Variants in SDK1 observed in about 807,000 individuals in gnomAD.
SDK1 encodes protein sidekick-1.
A neutral mutation model predicts 245.5 loss-of-function variants in SDK1; 157 were observed. The ratio of observed to expected loss-of-function variants is 0.64; its 90% CI spans 0.56 to 0.73. The LOEUF is 0.73. Ranked by LOEUF, SDK1 falls within the 30% of genes least tolerant of loss-of-function variation. The probability of loss-of-function intolerance (pLI) is 0.00; values close to 1 mark genes in which losing one functional copy is unlikely to be tolerated. For synonymous variants in SDK1, 1,647 were observed against 1,278.5 expected (o/e 1.29, Z -6.15); for missense variants, 3,583 against 3,002.3 (o/e 1.19, Z -4.52).
intron 1 of SDK1, among the ~76,000 whole-genome samples, chr7:3,365,097 T>C (rs930571498): frequency 2.0e-5 from 3 of 152,222 alleles, no homozygotes; most frequent in Admixed American, 2.0e-4. Flanking sequence ...TTTTATCTTA[T>C]ATCCTGTGAC....
chr7:4,065,556 A>G (rs897613178), intron 19 of SDK1, among the ~76,000 whole-genome samples: 2 of 152,198 alleles, frequency 1.3e-5, no homozygotes, highest in African/African-American at 4.8e-5. Flanking sequence ...CTGGAGGCTC[A>G]CAATTGTGGG....
In SDK1 at chr7:3,789,007, C is replaced by T. The variant is rs1466764039; in HGVS notation, c.714-32443C>T. Among the ~76,000 whole-genome samples, 19 of 152,204 alleles carry T rather than the reference C, an allele frequency of 1.2e-4. 1 individual carries two copies. Among genetic ancestry groups the T allele is most frequent in the Admixed American group, 9.2e-4 (14 of 15,288 alleles). On this transcript the variant is annotated intron_variant, in intron 4 of 44. Coordinates refer to ENST00000404826, the MANE Select transcript of SDK1 (RefSeq NM_152744.4). ...TTGTCATTGGTTGGCACAAGTGCCACGGCTGACAAGCTCCTTTCTGAGGGA... is the reference window on the plus strand; with the variant it reads ...TTGTCATTGGTTGGCACAAGTGCCATGGCTGACAAGCTCCTTTCTGAGGGA...
chr7:3,986,203 T>C (rs1433372395), intron 13 of SDK1, among the ~76,000 whole-genome samples: 1 of 152,226 alleles, frequency 6.6e-6, no homozygotes, highest in African/African-American at 2.4e-5. Context: ...AAAAACTTTT[T>C]TTTTTTTTAA....
In SDK1 at chr7:3,305,273, C is replaced by T. The variant is rs540049981; in HGVS notation, c.298+3389C>T. 4.7e-4 allele frequency among the ~76,000 whole-genome samples: 71 copies of T among 152,322 alleles called. 1 individual carries two copies. The highest frequency in any genetic ancestry group is 1.7e-3 in the African/African-American group (71 of 41,576). On this transcript the variant is annotated intron_variant, in intron 1 of 44. Transcript: ENST00000404826. The stretch of plus-strand genomic sequence containing the variant: ...GGACTCCACCTCAGACCAGTTGGTT[C>T]TCAGAAGCATGCATTTAAAAACTCC...
intron 5 of SDK1, among the ~76,000 whole-genome samples, chr7:3,856,087 T>A (rs1019815026): frequency 6.6e-6 from 1 of 152,130 alleles, no homozygotes; most frequent in Non-Finnish European, 1.5e-5. Context: ...TTTGGAAGAC[T>A]GGGGAGAAGA....
chr7:4,236,810 G>A (rs555767636), intron 41 of SDK1, among the ~76,000 whole-genome samples: 198 of 152,258 alleles, frequency 1.3e-3, no homozygotes, highest in Non-Finnish European at 2.5e-3. Flanking sequence ...CAGGGGACCT[G>A]GAGCTGTTTT....
intron 4 of SDK1, among the ~76,000 whole-genome samples, chr7:3,656,500 AG>A (rs998773949): frequency 2.6e-5 from 4 of 152,152 alleles, no homozygotes; most frequent in African/African-American, 7.2e-5. Flanking sequence ...TTGGACTCTA[AG>A]GGGGTACTGC....
Position 3,644,121 on chromosome 7 carries a change from C to T in SDK1, c.713+2016C>T, listed in dbSNP as rs558750869. On this transcript the variant is annotated intron_variant, in intron 4 of 44. Coordinates refer to ENST00000404826, the MANE Select transcript of SDK1 (RefSeq NM_152744.4). The stretch of plus-strand genomic sequence containing the variant: ...TTTTACCATGTGTCCAGGCTAGTCT[C>T]GAAGTCCTTACCTCAAATGATCCAC... Among the ~76,000 whole-genome samples the T allele has an allele frequency of 1.7e-3, 249 of 150,698 alleles. 2 individuals are homozygous for T. The highest frequency in any genetic ancestry group is 5.8e-3 in the African/African-American group (237 of 41,180).
chr7:3,918,969 T>C (rs1779489457), intron 5 of SDK1, among the ~76,000 whole-genome samples: 1 of 152,254 alleles, frequency 6.6e-6, no homozygotes, highest in Non-Finnish European at 1.5e-5. Context: ...TCTATTATTA[T>C]TATAACATTC....
At chr7:3,392,950 C>A (rs1427504659) in intron 1 of SDK1, among the ~76,000 whole-genome samples, 1 of 145,448 alleles carries the variant, frequency 6.9e-6, no homozygotes, top group East Asian at 2.0e-4. Flanking sequence ...CTGTTTGAGT[C>A]CCTGTTTTAA....
At chr7:3,546,336 G>C (rs994358458) in intron 1 of SDK1, among the ~76,000 whole-genome samples, 1 of 152,172 alleles carries the variant, frequency 6.6e-6, no homozygotes, top group Non-Finnish European at 1.5e-5. Context: ...TAGGTCTCTC[G>C]GCCCCTCTAA....
At chr7:3,735,902 C>G (rs1269956383) in intron 4 of SDK1, among the ~76,000 whole-genome samples, 2 of 152,174 alleles carry the variant, frequency 1.3e-5, no homozygotes, top group Non-Finnish European at 2.9e-5. Flanking sequence ...AACCTACTCT[C>G]TCATTGCGGT....
intron 5 of SDK1, among the ~76,000 whole-genome samples, chr7:3,876,937 A>C (rs374151081): frequency 1.3e-5 from 2 of 152,352 alleles, no homozygotes; most frequent in African/African-American, 4.8e-5. Context: ...AACGAATTCT[A>C]CTTTGTTCTT....
intron 1 of SDK1, among the ~76,000 whole-genome samples, chr7:3,449,485 C>A (rs1057308211): frequency 6.6e-6 from 1 of 152,134 alleles, no homozygotes. Context: ...AGAATTGTAT[C>A]AGTTACAGAT....
chr7:3,304,352 G>T (rs1256154596), intron 1 of SDK1, among the ~76,000 whole-genome samples: 1 of 152,208 alleles, frequency 6.6e-6, no homozygotes, highest in African/African-American at 2.4e-5. Flanking sequence ...AGCCAGCTGT[G>T]AGTGGTTTGG....
rs563455423 is a variant in SDK1, at chr7:3,683,525, A to G, written c.713+41420A>G. On this transcript the variant is annotated intron_variant, in intron 4 of 44. Transcript: ENST00000404826. ...CTTCATGAGGACAAGAAACTCACAT[A>G]TACCTGGTGCATAGTAGGTGTTCAG... 6.1e-4 allele frequency among the ~76,000 whole-genome samples: 93 copies of G among 152,346 alleles called. 1 individual carries two copies. Among genetic ancestry groups the G allele is most frequent in the African/African-American group, 2.2e-3 (92 of 41,582 alleles).
intron 5 of SDK1, among the ~76,000 whole-genome samples, chr7:3,950,605 A>G (rs1013130626): frequency 1.3e-5 from 2 of 152,204 alleles, no homozygotes; most frequent in Non-Finnish European, 2.9e-5. Context: ...AAGTTTGAAC[A>G]GATGCCCTTC....
Position 4,210,060 on chromosome 7 carries a change from A to G in SDK1, c.5437A>G (p.Ile1813Val). ...GAPSFLAFSE[I>V]TSTTLNVSWG... ...CCCCAGCTTTCTGGCGTTCTCAGAA[A>G]TAACCTCCACCACGCTCAACGTGTC... Residue 1813 changes from isoleucine to valine, a missense_variant, in exon 38 of 45, where the codon ATA becomes GTA. Transcript: ENST00000404826. The G allele has an allele frequency of 6.2e-7, 1 of 1,602,454 alleles. No homozygotes were observed. The highest frequency in any genetic ancestry group is 8.5e-7 in the Non-Finnish European group (1 of 1,175,996).
intron 5 of SDK1, among the ~76,000 whole-genome samples, chr7:3,895,618 C>T (rs1033027808): frequency 6.6e-6 from 1 of 150,782 alleles, no homozygotes; most frequent in East Asian, 1.9e-4. Flanking sequence ...CTTTCCACTC[C>T]GCTGTCCTGA....
Sources: allele counts gnomAD v4.1 joint callset (sites outside exome capture counted in the v4.1 genomes callset), GRCh38; gene constraint gnomAD v4.1.1; transcripts MANE v1.5; gene names NCBI Gene and HGNC (gene_info 2026-07-23, HGNC 2026-07-21).